Variants in SCN10A observed in about 807,000 individuals in gnomAD.
The protein encoded by SCN10A is sodium voltage-gated channel alpha subunit 10.
In SCN10A, 162 loss-of-function variants were observed where a neutral mutation model predicts 170.7. The observed-to-expected ratio is 0.95, with a 90% CI of 0.84 to 1.08. SCN10A has a LOEUF of 1.08. Among genes scored for constraint, SCN10A ranks in the 50% least tolerant of loss-of-function variants. The pLI, the probability that SCN10A is intolerant of heterozygous loss-of-function variation, is 0.00. For synonymous variants in SCN10A, 985 were observed against 904.6 expected, an observed-to-expected ratio of 1.09 and a Z score of -1.59; for missense variants, 2,527 against 2,436.9, an observed-to-expected ratio of 1.04 and a Z score of -0.78.
At position 38,697,604 on chromosome 3, in the gene SCN10A, T is replaced by C. The variant is rs559372796; in HGVS notation, c.5616A>G (p.Ala1872=). ...YRSYVLHRSM[A]LSNTPCVPRA... ...TGGGCACACATGGGGTGTTAGAGAG[T>C]GCCATGGAGCGGTGCAGCACATAGC... Residue 1872 remains alanine (A), a synonymous_variant, in exon 28 of 28, where the codon GCA becomes GCG. Transcript: ENST00000449082. 11 of 1,614,118 alleles carry C rather than the reference T, an allele frequency of 6.8e-6. No individual in the cohort carries two copies. The East Asian group carries it at 2.2e-4, about 33-fold the overall frequency.
intron 12 of SCN10A, among the ~76,000 whole-genome samples, chr3:38,751,623 T>C (rs1476085219): frequency 6.6e-6 from 1 of 152,208 alleles, no homozygotes; most frequent in Non-Finnish European, 1.5e-5. Context: ...TCACATTAAC[T>C]CACAGCTCCC....
chr3:38,739,202 G>A (rs1435841110), intron 15 of SCN10A, among the ~76,000 whole-genome samples: 1 of 152,196 alleles, frequency 6.6e-6, no homozygotes, highest in Admixed American at 6.5e-5. Context: ...CATTGTAAGT[G>A]CTCAGTAAGT....
chr3:38,729,032 G>T, intron 15 of SCN10A, 131 bp from the exon 16 acceptor site: 1 of 1,146,656 alleles, frequency 8.7e-7, no homozygotes, highest in Non-Finnish European at 1.2e-6. Context: ...GCGTTTTCTG[G>T]ACACTGCTTT....
intron 22 of SCN10A, 66 bp downstream of exon 22, chr3:38,713,892 T>C: frequency 6.3e-7 from 1 of 1,589,278 alleles, no homozygotes; most frequent in Non-Finnish European, 8.6e-7. Flanking sequence ...CCTCCCAAAG[T>C]GCTGGGATTA....
intron 20 of SCN10A, among the ~76,000 whole-genome samples, chr3:38,721,776 A>G (rs1158953624): frequency 1.3e-5 from 2 of 152,220 alleles, no homozygotes; most frequent in African/African-American, 4.8e-5. Context: ...ATTTTCTGTG[A>G]GCTTTAAAGG....
At chr3:38,786,170 C>T in intron 4 of SCN10A, among the ~76,000 whole-genome samples, 1 of 152,108 alleles carries the variant, frequency 6.6e-6, no homozygotes, top group East Asian at 1.9e-4. Context: ...TATAAAGATA[C>T]AAGCATGCGT....
In SCN10A at chr3:38,737,832, C is replaced by CTT. The variant is rs373851282; in HGVS notation, c.2280+1682_2280+1683insAA. On this transcript the variant is annotated intron_variant, in intron 15 of 27. Transcript: ENST00000449082. ...TCTTTCTTTCTTTCTTTCTTTCTTT[C>CTT]TCTTTCTTCTTTCTTTCTTTCTCTT... 6.3e-3 allele frequency among the ~76,000 whole-genome samples: 439 copies of CTT among 70,148 alleles called. 3 individuals are homozygous for CTT. Among genetic ancestry groups the CTT allele is most frequent in the African/African-American group, 0.016 (336 of 20,366 alleles). The allele number at this position is 70,148 out of a possible 152,430, so 46.0% of individuals were successfully genotyped here.
intron 1 of SCN10A, among the ~76,000 whole-genome samples, chr3:38,807,897 T>C (rs927055927): frequency 3.9e-5 from 6 of 152,156 alleles, no homozygotes; most frequent in African/African-American, 1.2e-4. Flanking sequence ...TCTTATCTGG[T>C]CTCTTACCAG....
chr3:38,757,165 G>A lies in SCN10A; in HGVS notation c.951-6C>T. On this transcript the variant is annotated splice_region_variant and splice_polypyrimidine_tract_variant and intron_variant, in intron 8 of 27. Transcript: ENST00000449082. ...TATAACCATCAGGGCAGTGGCTGCAGCAAGAACAGAGAAGGTCATCCCCTG... is the reference window on the plus strand; with the variant it reads ...TATAACCATCAGGGCAGTGGCTGCAACAAGAACAGAGAAGGTCATCCCCTG... 6.3e-7 allele frequency: 1 copy of A among 1,591,038 alleles called. No homozygotes were observed. Among genetic ancestry groups the A allele is most frequent in the Non-Finnish European group, 8.5e-7 (1 of 1,169,938 alleles).
At chr3:38,729,962 C>T (rs2063498278) in intron 15 of SCN10A, among the ~76,000 whole-genome samples, 1 of 152,150 alleles carries the variant, frequency 6.6e-6, no homozygotes. Context: ...CACCTTACAC[C>T]CAATCTGGAA....
intron 6 of SCN10A, among the ~76,000 whole-genome samples, chr3:38,762,500 T>C (rs955749285): frequency 6.6e-6 from 1 of 151,864 alleles, no homozygotes; most frequent in Non-Finnish European, 1.5e-5. Context: ...GGCAGCACAG[T>C]AGAAGGCTGG....
rs190546528 is a variant in SCN10A, at chr3:38,735,960, G to A, written c.2280+3555C>T. On this transcript the variant is annotated intron_variant, in intron 15 of 27. Transcript: ENST00000449082. ...TGGTTTTTGCCTCATGGGATAGCAG[G>A]ACAATTGTAAATGCCAGGTTAATTT... 5.9e-5 allele frequency among the ~76,000 whole-genome samples: 9 copies of A among 152,324 alleles called. No individual in the cohort carries two copies. The East Asian group carries it at 1.7e-3, about 29-fold the overall frequency.
At chr3:38,799,168 T>C (rs1472054690) in intron 1 of SCN10A, among the ~76,000 whole-genome samples, 1 of 152,180 alleles carries the variant, frequency 6.6e-6, no homozygotes, top group African/African-American at 2.4e-5. Flanking sequence ...ACCTGTAGGA[T>C]CTCTGAATAC....
chr3:38,735,423 G>A (rs1006084085), intron 15 of SCN10A, among the ~76,000 whole-genome samples: 5 of 152,126 alleles, frequency 3.3e-5, no homozygotes, highest in African/African-American at 1.2e-4. Context: ...AAACTTTATT[G>A]AAAGACTGGT....
chr3:38,728,868 T>C lies in SCN10A; in HGVS notation c.2314A>G (p.Thr772Ala). 1 of 1,612,692 alleles carries C rather than the reference T, an allele frequency of 6.2e-7. No individual in the cohort carries two copies. Among genetic ancestry groups the C allele is most frequent in the East Asian group, 2.2e-5 (1 of 44,832 alleles). Residue 772 changes from threonine (T) to alanine (A), a missense_variant, in exon 16 of 28, where the codon ACC becomes GCC. Thr to Ala is a moderately conservative substitution (Grantham distance 58, BLOSUM62 0). Coordinates refer to ENST00000449082, the MANE Select transcript of SCN10A (RefSeq NM_006514.4). The stretch of plus-strand genomic sequence containing the variant: ...ATGATCTTGATGAGTGTGTTTAAGG[T>C]GGGCCAGGATTTGGCCAGCTTGAAT... The part of the protein sequence containing the change: ...RVFKLAKSWP[T>A]LNTLIKIIGN...
chr3:38,742,767 G>A (rs2063647728), intron 13 of SCN10A, among the ~76,000 whole-genome samples: 1 of 152,100 alleles, frequency 6.6e-6, no homozygotes, highest in Admixed American at 6.5e-5. Flanking sequence ...TATTTTTACT[G>A]CCCATCACCT....
At chr3:38,759,735 T>C (rs890638718) in intron 8 of SCN10A, among the ~76,000 whole-genome samples, 2 of 152,194 alleles carry the variant, frequency 1.3e-5, no homozygotes, top group Admixed American at 1.3e-4. Context: ...ATTTTAAAAG[T>C]TGGAAGAGCT....
chr3:38,740,568 G>T (rs150270652), intron 14 of SCN10A, among the ~76,000 whole-genome samples: 175 of 152,314 alleles, frequency 1.1e-3, no homozygotes, highest in African/African-American at 4.0e-3. Flanking sequence ...GTGTGGTGGG[G>T]GGTAGGGTTG....
intron 15 of SCN10A, among the ~76,000 whole-genome samples, chr3:38,733,720 A>G (rs1313811862): frequency 1.3e-5 from 2 of 151,736 alleles, no homozygotes; most frequent in Non-Finnish European, 2.9e-5. Context: ...AAATTTATTT[A>G]TTTATTTATT....
Sources: gnomAD v4.1 joint callset for allele counts (sites outside exome capture counted in the v4.1 genomes callset) on GRCh38, gnomAD v4.1.1 for gene constraint, MANE v1.5 for transcripts, NCBI Gene and HGNC (gene_info 2026-07-23, HGNC 2026-07-21) for gene names.